Variants in ZMYND11 observed in about 807,000 individuals in gnomAD.
ZMYND11 encodes the protein zinc finger MYND-type containing 11, also known as zinc finger MYND domain-containing protein 11.
ZMYND11 carries 9 observed loss-of-function variants against 84.9 expected under a neutral mutation model. The ratio of observed to expected loss-of-function variants is 0.11; its 90% CI spans 0.06 to 0.18. The LOEUF is 0.18. Among genes scored for constraint, ZMYND11 ranks in the 10% least tolerant of loss-of-function variants. The pLI is 1.00. For synonymous variants in ZMYND11, 250 were observed against 244.1 expected (o/e 1.02, Z -0.23); for missense variants, 409 against 761.0 (o/e 0.54, Z 5.44).
intron 1 of ZMYND11, among the ~76,000 whole-genome samples, chr10:139,593 A>G (rs930389224): frequency 1.3e-5 from 2 of 152,122 alleles, no homozygotes; most frequent in African/African-American, 4.8e-5. Flanking sequence ...ATTTTATAAC[A>G]TAAATGAGGA....
chr10:166,189 A>G (rs561285811), intron 1 of ZMYND11, among the ~76,000 whole-genome samples: 81 of 152,272 alleles, frequency 5.3e-4, no homozygotes, highest in African/African-American at 1.9e-3. Flanking sequence ...TTGGTTTTGC[A>G]ATGGATTCTT....
intron 5 of ZMYND11, 128 bp downstream of exon 5, chr10:237,043 CGTCAT>C (rs1315982805): frequency 5.1e-6 from 4 of 781,944 alleles, no homozygotes; most frequent in Admixed American, 3.4e-5. Context: ...GAGAGCACCC[CGTCAT>C]GTCATATTTC....
chr10:193,197 T>C (rs539203124), intron 2 of ZMYND11, among the ~76,000 whole-genome samples: 1 of 152,322 alleles, frequency 6.6e-6, no homozygotes, highest in African/African-American at 2.4e-5. Context: ...AATCCATCTG[T>C]AGTTCCCTTT....
At position 242,081 on chromosome 10, in the gene ZMYND11, G is replaced by C. The variant is rs776526340; in HGVS notation, c.892G>C (p.Val298Leu). 2 of 1,614,056 alleles carry C rather than the reference G, an allele frequency of 1.2e-6. No individual in the cohort carries two copies. Among genetic ancestry groups the C allele is most frequent in the South Asian group, 2.2e-5 (2 of 91,080 alleles). Residue 298 changes from valine (V) to leucine (L), a missense_variant, in exon 10 of 15, where the codon GTC (valine) becomes CTC (leucine). By Grantham distance (32) the Val-to-Leu change is conservative (BLOSUM62 1). Around this residue, in one of 7 missense-constraint regions of ZMYND11, gnomAD observed 59 missense variants for 151.0 expected, o/e 0.39. Transcript: ENST00000381604. ...AGGTTTTGGGTTTTGGCCAGCCAAAGTCATGCAGAAAGAAGACAATCAAGT... is the reference window on the plus strand; with the variant it reads ...AGGTTTTGGGTTTTGGCCAGCCAAACTCATGCAGAAAGAAGACAATCAAGT... The part of the protein sequence containing the change: ...MKGFGFWPAK[V>L]MQKEDNQVDV...
intron 3 of ZMYND11, among the ~76,000 whole-genome samples, chr10:216,556 C>T (rs1376975268): frequency 2.0e-5 from 3 of 151,906 alleles, no homozygotes; most frequent in East Asian, 1.9e-4. Flanking sequence ...CGTTACTTAC[C>T]GCAGAACCAC....
rs901577751 is a variant in ZMYND11, at chr10:253,900, T to G, written c.*1430T>G. The G allele has an allele frequency of 2.0e-5, 3 of 152,656 alleles. No homozygotes were observed. Among genetic ancestry groups the G allele is most frequent in the Non-Finnish European group, 4.4e-5 (3 of 68,044 alleles). 9.5% of individuals were successfully genotyped at this position (152,656 alleles called of 1,614,324 possible). ...CTCTAAAGATAAAAATGTAACTAAGTCTTCTGTGAAATATCATCCATCTAA... is the reference window on the plus strand; with the variant it reads ...CTCTAAAGATAAAAATGTAACTAAGGCTTCTGTGAAATATCATCCATCTAA... On this transcript the variant is annotated 3_prime_UTR_variant, in exon 15 of 15. Transcript: ENST00000381604.
At chr10:158,412 CTTTTTTTTTTT>C (rs372896551) in intron 1 of ZMYND11, among the ~76,000 whole-genome samples, 3 of 142,558 alleles carry the variant, frequency 2.1e-5, no homozygotes, top group Admixed American at 7.2e-5. Flanking sequence ...TTGTCTTTTC[CTTTTTTTTTTT>C]TTTTTTTTAT....
intron 12 of ZMYND11, among the ~76,000 whole-genome samples, 161 bp from the exon 13 acceptor site, chr10:248,175 C>T (rs1564464442): frequency 1.3e-5 from 2 of 152,096 alleles, no homozygotes; most frequent in Non-Finnish European, 2.9e-5. Flanking sequence ...TAAATTGTGG[C>T]AAAATATACG....
intron 2 of ZMYND11, among the ~76,000 whole-genome samples, chr10:185,752 T>C (rs1588744659): frequency 6.9e-6 from 1 of 144,308 alleles, no homozygotes; most frequent in Non-Finnish European, 1.5e-5. Flanking sequence ...GAGGCGGAGG[T>C]TGCAGTCAGT....
intron 2 of ZMYND11, among the ~76,000 whole-genome samples, chr10:202,178 T>C (rs1943299487): frequency 6.6e-6 from 1 of 152,220 alleles, no homozygotes; most frequent in Admixed American, 6.5e-5. Flanking sequence ...CCAGAAAATC[T>C]TAAGCCTTAT....
intron 3 of ZMYND11, among the ~76,000 whole-genome samples, chr10:213,445 A>G (rs932954629): frequency 6.6e-6 from 1 of 152,196 alleles, no homozygotes; most frequent in Non-Finnish European, 1.5e-5. Context: ...GTTGTAATTT[A>G]TCCATCAAGA....
intron 2 of ZMYND11, among the ~76,000 whole-genome samples, chr10:186,774 CTG>C (rs1011846280): frequency 4.6e-5 from 7 of 150,894 alleles, no homozygotes; most frequent in Admixed American, 1.3e-4. Flanking sequence ...ATTCTCATCT[CTG>C]TAACAAAATA....
chr10:201,342 T>C lies in ZMYND11; in HGVS notation c.117-8547T>C, dbSNP rs182616300. Among the ~76,000 whole-genome samples the C allele has an allele frequency of 3.4e-4, 52 of 152,336 alleles. 1 individual carries two copies. The highest frequency in any genetic ancestry group is 2.9e-3 in the Admixed American group (45 of 15,306). On this transcript the variant is annotated intron_variant, in intron 2 of 14. Transcript: ENST00000381604. ...AGGCATTTGTTATGTTTTTCATTGA[T>C]AGAAAACACATCACTGCATTCTGTG...
At chr10:140,089 A>G (rs999980593) in intron 1 of ZMYND11, among the ~76,000 whole-genome samples, 4 of 152,132 alleles carry the variant, frequency 2.6e-5, no homozygotes, top group Admixed American at 1.3e-4. Context: ...TTATAATTGC[A>G]TCCTATCCCA....
chr10:240,820 A>G (rs1269864052), intron 8 of ZMYND11, 73 bp from the exon 9 acceptor site: 8 of 1,105,362 alleles, frequency 7.2e-6, no homozygotes, highest in East Asian at 2.5e-5. Flanking sequence ...GTTAATTTAC[A>G]TGGATACATT....
At chr10:231,282 C>T (rs772296766) in intron 4 of ZMYND11, among the ~76,000 whole-genome samples, 6 of 152,178 alleles carry the variant, frequency 3.9e-5, no homozygotes, top group Admixed American at 6.5e-5. Context: ...GTATTGGGAA[C>T]GCCCAAGAAA....
At chr10:159,610 T>C (rs1418664040) in intron 1 of ZMYND11, among the ~76,000 whole-genome samples, 2 of 152,194 alleles carry the variant, frequency 1.3e-5, no homozygotes, top group Admixed American at 1.3e-4. Context: ...ATTCTGAAAT[T>C]TCAGAGGTTC....
chr10:145,084 C>T (rs964143176), intron 1 of ZMYND11, among the ~76,000 whole-genome samples: 3 of 151,018 alleles, frequency 2.0e-5, no homozygotes, highest in African/African-American at 7.3e-5. Context: ...ATTCAGGTTT[C>T]TGCAAAAGAC....
chr10:225,364 G>C (rs1163732235), intron 4 of ZMYND11, among the ~76,000 whole-genome samples: 1 of 151,664 alleles, frequency 6.6e-6, no homozygotes, highest in East Asian at 1.9e-4. Context: ...TTTTATGTGT[G>C]TTTTTAGGCA....
Sources: allele counts gnomAD v4.1 joint callset (sites outside exome capture counted in the v4.1 genomes callset), GRCh38; gene constraint gnomAD v4.1.1; regional missense constraint gnomAD v4.1.1; transcripts MANE v1.5; gene names NCBI Gene and HGNC (gene_info 2026-07-23, HGNC 2026-07-21).